Variants in FHIT observed in about 807,000 individuals in gnomAD.
FHIT encodes bis(5'-adenosyl)-triphosphatase.
A neutral mutation model predicts 17.9 loss-of-function variants in FHIT; 19 were observed. That is an observed-to-expected ratio of 1.06 (90% CI 0.74 to 1.56). FHIT has a LOEUF of 1.56. FHIT is among the 40% of genes most tolerant of loss of function. FHIT has a pLI of 0.00. For missense variants in FHIT, 248 were observed against 189.2 expected, an observed-to-expected ratio of 1.31 and a Z score of -1.82; for synonymous variants, 81 against 69.7, an observed-to-expected ratio of 1.16 and a Z score of -0.81.
intron 1 of FHIT, among the ~76,000 whole-genome samples, chr3:61,248,350 G>T (rs1349902858): frequency 6.6e-6 from 1 of 152,098 alleles, no homozygotes. Flanking sequence ...TTCTCAAATA[G>T]ACTGTTTCAG....
chr3:60,540,597 A>G (rs1030836455), intron 4 of FHIT, among the ~76,000 whole-genome samples: 1 of 152,228 alleles, frequency 6.6e-6, no homozygotes, highest in African/African-American at 2.4e-5. Flanking sequence ...ATTTGGTCAC[A>G]GTAGTAGTCT....
At chr3:60,783,133 G>T (rs186183892) in intron 4 of FHIT, among the ~76,000 whole-genome samples, 2 of 146,862 alleles carry the variant, frequency 1.4e-5, no homozygotes, top group African/African-American at 5.0e-5. Flanking sequence ...ACAGGAGTGC[G>T]CCACCAGCTA....
intron 5 of FHIT, among the ~76,000 whole-genome samples, chr3:60,097,955 A>G (rs963497733): frequency 6.7e-6 from 1 of 149,298 alleles, no homozygotes; most frequent in Non-Finnish European, 1.5e-5. Flanking sequence ...ATGAGTGAGA[A>G]CATGCAGTGT....
intron 4 of FHIT, among the ~76,000 whole-genome samples, chr3:60,595,603 G>A (rs2038241617): frequency 6.8e-6 from 1 of 146,308 alleles, no homozygotes; most frequent in Admixed American, 6.8e-5. Context: ...GTATATACGT[G>A]TAGATATATG....
chr3:60,068,725 T>C (rs979610734), intron 5 of FHIT, among the ~76,000 whole-genome samples: 1 of 152,164 alleles, frequency 6.6e-6, no homozygotes. Flanking sequence ...AGCTGCCAAG[T>C]AAAAATGCTC....
intron 1 of FHIT, among the ~76,000 whole-genome samples, chr3:61,219,438 T>C (rs1278630633): frequency 2.0e-5 from 3 of 152,034 alleles, no homozygotes; most frequent in African/African-American, 7.3e-5. Context: ...TATAGATATC[T>C]AGACAATAGT....
chr3:60,268,652 T>G (rs529344768), intron 5 of FHIT, among the ~76,000 whole-genome samples: 1 of 152,370 alleles, frequency 6.6e-6, no homozygotes, highest in African/African-American at 2.4e-5. Flanking sequence ...ATATATAGTT[T>G]ACTTTTATAT....
chr3:60,130,020 G>A (rs1474524), intron 5 of FHIT, among the ~76,000 whole-genome samples: 3 of 151,902 alleles, frequency 2.0e-5, no homozygotes, highest in African/African-American at 7.3e-5. Context: ...CCACACACTC[G>A]ATGTCCAAAT....
chr3:60,336,603 C>A (rs1346090764), intron 5 of FHIT, among the ~76,000 whole-genome samples: 4 of 152,200 alleles, frequency 2.6e-5, no homozygotes, highest in South Asian at 4.1e-4. Flanking sequence ...CCACCAGCCA[C>A]ACATGGCTAT....
At chr3:60,641,931 A>C (rs533941690) in intron 4 of FHIT, among the ~76,000 whole-genome samples, 1 of 152,228 alleles carries the variant, frequency 6.6e-6, no homozygotes, top group South Asian at 2.1e-4. Context: ...TCCTGGGCCT[A>C]AAAAAGCAAA....
At chr3:61,156,851 A>G (rs2037547830) in intron 2 of FHIT, among the ~76,000 whole-genome samples, 1 of 152,142 alleles carries the variant, frequency 6.6e-6, no homozygotes, top group Admixed American at 6.5e-5. Context: ...TAATTCATCT[A>G]TTTGCATCAC....
At chr3:61,063,685 G>A (rs948461902) in intron 2 of FHIT, among the ~76,000 whole-genome samples, 10 of 152,158 alleles carry the variant, frequency 6.6e-5, no homozygotes, top group African/African-American at 2.4e-4. Context: ...AGGACCAAGT[G>A]CATGACAGAA....
rs1703380880 is a variant in FHIT at position 60,083,662 on chromosome 3, A to C, written c.104-69510T>G. ...ACTGGTCCCTCAAACCTTTTCTCTA[A>C]TGTCTGGAGAGTACATATTTTATGC... On this transcript the variant is annotated intron_variant, in intron 5 of 9. Transcript: ENST00000492590. Among the ~76,000 whole-genome samples the C allele has an allele frequency of 2.0e-5, 3 of 152,112 alleles. No individual in the cohort carries two copies. The South Asian group carries it at 6.2e-4, about 32-fold the overall frequency.
At chr3:60,259,539 T>C (rs547272506) in intron 5 of FHIT, among the ~76,000 whole-genome samples, 1 of 152,276 alleles carries the variant, frequency 6.6e-6, no homozygotes, top group East Asian at 1.9e-4. Flanking sequence ...TGGCTTACAT[T>C]TGTTTTAAGG....
chr3:61,082,486 C>T (rs1477098471), intron 2 of FHIT, among the ~76,000 whole-genome samples: 2 of 151,968 alleles, frequency 1.3e-5, no homozygotes, highest in Non-Finnish European at 2.9e-5. Flanking sequence ...TGTTGATGAC[C>T]ATTCAGATTG....
chr3:60,020,593 G>A (rs898432502), intron 5 of FHIT, among the ~76,000 whole-genome samples: 2 of 152,072 alleles, frequency 1.3e-5, no homozygotes, highest in African/African-American at 2.4e-5. Flanking sequence ...TATTCATCTC[G>A]ACTGCAGATC....
At chr3:61,240,618 A>G (rs2040351960) in intron 1 of FHIT, among the ~76,000 whole-genome samples, 1 of 152,158 alleles carries the variant, frequency 6.6e-6, no homozygotes. Flanking sequence ...CATACAATTG[A>G]GTCTCTCTAA....
chr3:60,436,703 G>A (rs1349815420), intron 5 of FHIT, among the ~76,000 whole-genome samples: 2 of 152,206 alleles, frequency 1.3e-5, no homozygotes, highest in East Asian at 3.9e-4. Flanking sequence ...TGCCTTCATG[G>A]AGTCTATATT....
At chr3:61,234,463 G>T (rs1315910328) in intron 1 of FHIT, among the ~76,000 whole-genome samples, 1 of 152,082 alleles carries the variant, frequency 6.6e-6, no homozygotes, top group Non-Finnish European at 1.5e-5. Flanking sequence ...ATATATTGAC[G>T]AGTGAAAACA....
Sources: gnomAD v4.1 joint callset for allele counts (sites outside exome capture counted in the v4.1 genomes callset) on GRCh38, gnomAD v4.1.1 for gene constraint, MANE v1.5 for transcripts, NCBI Gene and HGNC (gene_info 2026-07-23, HGNC 2026-07-21) for gene names.